The following DLGAP2 variants were observed in gnomAD, a reference collection of about 807,000 sequenced individuals.
DLGAP2 encodes DLG associated protein 2, also known as disks large-associated protein 2.
In DLGAP2, 26 loss-of-function variants were observed where a neutral mutation model predicts 100.3. The observed-to-expected ratio is 0.26, with a 90% CI of 0.19 to 0.36. The LOEUF is 0.36. DLGAP2 is among the 10% of genes least tolerant of loss of function. The pLI is 1.00. For missense variants in DLGAP2, 1,858 were observed against 1,453.2 expected (o/e 1.28, Z -4.53); for synonymous variants, 886 against 630.1 (o/e 1.41, Z -6.08).
rs1489071488 is a variant in DLGAP2 at position 1,341,297 on chromosome 8, T to G, written c.106+82414T>G. On this transcript the variant is annotated intron_variant, in intron 3 of 14. Coordinates refer to ENST00000637795, the MANE Select transcript of DLGAP2 (RefSeq NM_001346810.2). ...AAATATTCTCCTTTTGTTTGAAAAA[T>G]AAGCGTGTTTCATATCCCCCAGCAT... is the stretch of plus-strand genomic sequence containing the variant. Among the ~76,000 whole-genome samples the G allele has an allele frequency of 4.6e-5, 7 of 152,330 alleles. No individual in the cohort carries two copies. The East Asian group carries it at 1.3e-3, about 29-fold the overall frequency.
At chr8:1,267,487 A>T (rs1445025972) in intron 3 of DLGAP2, among the ~76,000 whole-genome samples, 1 of 150,022 alleles carries the variant, frequency 6.7e-6, no homozygotes, top group Non-Finnish European at 1.5e-5. Flanking sequence ...TGAACCCAGG[A>T]GGTGGAGGTT....
chr8:1,623,304 CATGACCTGGCACCAGTGTGTG>C (rs1797395319), intron 6 of DLGAP2, among the ~76,000 whole-genome samples: 5 of 152,156 alleles, frequency 3.3e-5, no homozygotes, highest in South Asian at 4.1e-4. Context: ...AGCCTGAGTG[CATGACCTGGCACCAGTGTGTG>C]ATGACCTGGC....
In DLGAP2 at chr8:1,549,813, G is replaced by C. The variant is rs1377384715; in HGVS notation, c.1230+130G>C. The C allele has an allele frequency of 4.7e-6, 5 of 1,069,114 alleles. No individual in the cohort carries two copies. The Admixed American group carries it at 1.4e-4, about 30-fold the overall frequency. The allele number at this position is 1,069,114 out of a possible 1,614,324, so 66.2% of individuals were successfully genotyped here. A position where few individuals can be genotyped will look rare whatever the true frequency, so the allele number is the denominator to read the frequency against. On this transcript the variant is annotated intron_variant, in intron 5 of 14. Transcript: ENST00000637795. ...GTGCAACAGGATGTTCTGAGCTACG[G>C]ATATGTTCTGGGACAGCTCCACTGA...
At chr8:1,013,174 C>T (rs1801347409) in intron 2 of DLGAP2, among the ~76,000 whole-genome samples, 1 of 152,212 alleles carries the variant, frequency 6.6e-6, no homozygotes, top group African/African-American at 2.4e-5. Context: ...TAATTCCTTT[C>T]ATACGTATCA....
intron 3 of DLGAP2, among the ~76,000 whole-genome samples, chr8:1,460,364 G>A (rs914513507): frequency 1.3e-5 from 2 of 152,212 alleles, no homozygotes; most frequent in Non-Finnish European, 2.9e-5. Flanking sequence ...ACAGATATCT[G>A]TGGAGTAAAT....
chr8:1,668,272 A>G, intron 8 of DLGAP2, 57 bp from the exon 9 acceptor site: 1 of 1,419,304 alleles, frequency 7.0e-7, no homozygotes, highest in Non-Finnish European at 9.3e-7. Flanking sequence ...GAAACAGTAG[A>G]CCACAGGCTG....
intron 8 of DLGAP2, among the ~76,000 whole-genome samples, chr8:1,660,586 T>G (rs1416016652): frequency 6.6e-6 from 1 of 152,236 alleles, no homozygotes; most frequent in African/African-American, 2.4e-5. Context: ...GCTAAATGTT[T>G]CTTTAACTTC....
rs191881372 is a variant in DLGAP2 at position 1,425,811 on chromosome 8, C to T, written c.107-75555C>T. On this transcript the variant is annotated intron_variant, in intron 3 of 14. Transcript: ENST00000637795. Reference sequence around the variant, plus strand: ...GGATGAGCCCAGGGGATGTCAGGGCCCTAGACCGAGAAACAGAGACAGCCA... The same window carrying T: ...GGATGAGCCCAGGGGATGTCAGGGCTCTAGACCGAGAAACAGAGACAGCCA... 2.8e-3 allele frequency among the ~76,000 whole-genome samples: 424 copies of T among 152,258 alleles called. 1 individual carries two copies. Among genetic ancestry groups the T allele is most frequent in the African/African-American group, 9.6e-3 (397 of 41,560 alleles).
chr8:951,964 C>T (rs1332044723), intron 2 of DLGAP2, among the ~76,000 whole-genome samples: 1 of 152,224 alleles, frequency 6.6e-6, no homozygotes, highest in Non-Finnish European at 1.5e-5. Flanking sequence ...GCCGTTTGCT[C>T]CTGCTGATCC....
At chr8:1,124,930 C>A (rs1040912017) in intron 2 of DLGAP2, among the ~76,000 whole-genome samples, 1 of 152,156 alleles carries the variant, frequency 6.6e-6, no homozygotes, top group Non-Finnish European at 1.5e-5. Flanking sequence ...GCCCCTATAC[C>A]GAGGAGGCAT....
chr8:811,935 G>T (rs1796377772), intron 1 of DLGAP2, among the ~76,000 whole-genome samples: 1 of 152,234 alleles, frequency 6.6e-6, no homozygotes, highest in Non-Finnish European at 1.5e-5. Context: ...AGCGTGAATT[G>T]GCTTTTCCTT....
At chr8:1,561,442 G>C (rs568297925) in intron 5 of DLGAP2, among the ~76,000 whole-genome samples, 2 of 152,276 alleles carry the variant, frequency 1.3e-5, no homozygotes, top group African/African-American at 4.8e-5. Context: ...TCCAGCTCAC[G>C]GTCACAGTTC....
intron 8 of DLGAP2, among the ~76,000 whole-genome samples, chr8:1,645,093 TAATGAATGAATCA>T (rs1353515989): frequency 3.7e-4 from 56 of 152,332 alleles, no homozygotes; most frequent in East Asian, 1.3e-3. Flanking sequence ...ACCATGTCTC[TAATGAATGAATCA>T]AATGAATGAA....
In DLGAP2 at chr8:831,257, A is replaced by G. The variant is rs145311542; in HGVS notation, c.19-76655A>G. Among the ~76,000 whole-genome samples, 659 of 147,498 alleles carry G rather than the reference A, an allele frequency of 4.5e-3. 4 individuals are homozygous for G. Among genetic ancestry groups the G allele is most frequent in the African/African-American group, 0.016 (628 of 39,886 alleles). ...ACTTTAAGTTCTAGGATGCATGTGC[A>G]CAACATGCAGGTTTGTTACATAGGT... On this transcript the variant is annotated intron_variant, in intron 1 of 14. Transcript: ENST00000637795.
chr8:1,509,169 A>G (rs547716446), intron 4 of DLGAP2, among the ~76,000 whole-genome samples: 40 of 151,994 alleles, frequency 2.6e-4, no homozygotes, highest in African/African-American at 9.2e-4. Flanking sequence ...CGTCTCTACT[A>G]AAATACAAAA....
At chr8:1,503,468 G>A (rs958242654) in intron 4 of DLGAP2, among the ~76,000 whole-genome samples, 6 of 152,108 alleles carry the variant, frequency 3.9e-5, no homozygotes, top group South Asian at 2.1e-4. Context: ...TCTGTTGAAG[G>A]CTGAGCCACA....
intron 3 of DLGAP2, among the ~76,000 whole-genome samples, chr8:1,365,372 G>A (rs1406939290): frequency 6.6e-6 from 1 of 152,164 alleles, no homozygotes; most frequent in Non-Finnish European, 1.5e-5. Context: ...GGAGCAGGGA[G>A]ATGCTTGGAT....
intron 1 of DLGAP2, among the ~76,000 whole-genome samples, chr8:808,110 G>A (rs1457182128): frequency 3.3e-5 from 5 of 152,188 alleles, no homozygotes; most frequent in Non-Finnish European, 7.3e-5. Flanking sequence ...TATGGCGGAT[G>A]TGACACCTGC....
intron 3 of DLGAP2, among the ~76,000 whole-genome samples, chr8:1,330,792 T>C (rs11779975): frequency 0.68 from 76,780 of 112,668 alleles, 26,547 homozygotes; most frequent in African/African-American, 0.87. Flanking sequence ...GTGGGAGCAC[T>C]GCTTCACGGG....
Sources: allele counts gnomAD v4.1 joint callset (sites outside exome capture counted in the v4.1 genomes callset), GRCh38; gene constraint gnomAD v4.1.1; transcripts MANE v1.5; gene names NCBI Gene and HGNC (gene_info 2026-07-23, HGNC 2026-07-21).